DMD: variants seen among roughly 807,000 people sequenced by gnomAD.
DMD encodes mutant dystrophin.
Under a neutral mutation model 330.1 loss-of-function variants are expected in DMD, and 63 were observed. The ratio of observed to expected loss-of-function variants is 0.19; its 90% confidence interval spans 0.16 to 0.24. DMD has a LOEUF of 0.24. Ranked by LOEUF, DMD falls within the 10% of genes least tolerant of loss-of-function variation. The pLI, the probability that DMD is intolerant of heterozygous loss-of-function variation, is 1.00. For missense variants in DMD, 3,344 were observed against 2,684.1 expected, an observed-to-expected ratio of 1.25 and a Z score of -5.43; for synonymous variants, 1,223 against 959.8, an observed-to-expected ratio of 1.27 and a Z score of -5.07.
chrX:31,237,247 T>C (rs1029978743), intron 63 of DMD, among the ~76,000 whole-genome samples: 1 of 112,448 alleles, frequency 8.9e-6, no homozygotes, highest in African/African-American at 3.2e-5. Context: ...GTTGAGTCTT[T>C]ATGCATGAAT....
At chrX:32,925,905 T>C (rs1021325476) in intron 2 of DMD, among the ~76,000 whole-genome samples, 2 of 112,126 alleles carry the variant, frequency 1.8e-5, no homozygotes, top group African/African-American at 6.5e-5. Flanking sequence ...TTGTTTTCTA[T>C]ATCTTTAAAT....
intron 43 of DMD, among the ~76,000 whole-genome samples, chrX:32,262,056 A>G (rs1168320655): frequency 8.9e-6 from 1 of 111,760 alleles, no homozygotes; most frequent in Non-Finnish European, 1.9e-5. Flanking sequence ...AACTGCCTCA[A>G]CTCCAGGGTT....
At chrX:32,091,819 T>A (rs757053788) in intron 44 of DMD, among the ~76,000 whole-genome samples, 1 of 111,557 alleles carries the variant, frequency 9.0e-6, no homozygotes, top group South Asian at 3.8e-4. Flanking sequence ...TTCAAGAATT[T>A]CTCATAGCTA....
chrX:32,412,179 G>C, intron 29 of DMD: 1 of 1,099,446 alleles, frequency 9.1e-7, no homozygotes, highest in Non-Finnish European at 1.2e-6. Flanking sequence ...AAATAGGCTG[G>C]AAAAAAAATT....
At chrX:32,961,866 T>C (rs1016979729) in intron 2 of DMD, among the ~76,000 whole-genome samples, 1 of 111,873 alleles carries the variant, frequency 8.9e-6, no homozygotes, top group African/African-American at 3.2e-5. Flanking sequence ...TTTGCACATA[T>C]TATACTTGCG....
intron 55 of DMD, among the ~76,000 whole-genome samples, chrX:31,622,084 T>G (rs2078562391): frequency 9.0e-6 from 1 of 111,506 alleles, no homozygotes; most frequent in Non-Finnish European, 1.9e-5. Context: ...TCTAGGTGAG[T>G]TTCCTGGCCT....
At chrX:32,919,141 T>G (rs1276875090) in intron 2 of DMD, among the ~76,000 whole-genome samples, 1 of 111,844 alleles carries the variant, frequency 8.9e-6, no homozygotes, top group Non-Finnish European at 1.9e-5. Context: ...GACTTCTAAC[T>G]TAAGACAATG....
At chrX:32,648,823 A>G (rs2059943394) in intron 9 of DMD, among the ~76,000 whole-genome samples, 2 of 111,637 alleles carry the variant, frequency 1.8e-5, no homozygotes, top group South Asian at 7.3e-4. Flanking sequence ...ATCATCACAG[A>G]ATTTTACATT....
At chrX:32,892,698 G>A (rs191556994) in intron 2 of DMD, among the ~76,000 whole-genome samples, 4 of 111,586 alleles carry the variant, frequency 3.6e-5, no homozygotes, top group African/African-American at 9.8e-5. Context: ...GGCCTCTAAT[G>A]CCCCCTTTCT....
At chrX:33,244,771 C>T (rs1014261885) in intron 1 of DMD, among the ~76,000 whole-genome samples, 16 of 111,387 alleles carry the variant, frequency 1.4e-4, no homozygotes, top group Admixed American at 3.8e-4. Flanking sequence ...AGAAACAAAA[C>T]GAAATGGAAG....
intron 3 of DMD, among the ~76,000 whole-genome samples, chrX:32,848,231 A>C (rs1394518330): frequency 8.9e-6 from 1 of 111,932 alleles, no homozygotes; most frequent in East Asian, 2.8e-4. Flanking sequence ...GAACATTTGG[A>C]AGACACTGGG....
At chrX:32,817,641 G>A (rs995514508) in intron 5 of DMD, among the ~76,000 whole-genome samples, 6 of 111,582 alleles carry the variant, frequency 5.4e-5, no homozygotes, top group African/African-American at 2.0e-4. Flanking sequence ...TTTCCTTCTG[G>A]GAAGGTTAAG....
Position 32,545,193 on chromosome X carries a change from T to C in DMD, c.2134A>G (p.Arg712Gly), listed in dbSNP as rs1294221734. The part of the protein sequence containing the change: ...ELPPPPPQKK[R>G]QITVDSEIRK... ...ATTTCAGAATCCACAGTAATCTGCC[T>C]CTTCTTTTGGGGAGGTGGTGGTGGA... The change falls in exon 17 of 79, where the codon AGG becomes GGG. Residue 712 changes from arginine to glycine, a missense_variant. Arg to Gly is a moderately radical substitution (Grantham distance 125, BLOSUM62 -2). Coordinates refer to ENST00000357033, the MANE Select transcript of DMD (RefSeq NM_004006.3). The C allele has an allele frequency of 8.3e-7, 1 of 1,209,388 alleles. No individual in the cohort carries two copies. Among genetic ancestry groups the C allele is most frequent in the African/African-American group, 1.7e-5 (1 of 57,170 alleles).
At chrX:32,122,644 G>C (rs948521408) in intron 44 of DMD, among the ~76,000 whole-genome samples, 1 of 111,122 alleles carries the variant, frequency 9.0e-6, no homozygotes, top group Non-Finnish European at 1.9e-5. Flanking sequence ...AGATCATCTT[G>C]AGCTCCCCGT....
At chrX:31,668,496 ATAAT>A (rs1047835322) in intron 53 of DMD, among the ~76,000 whole-genome samples, 4 of 110,866 alleles carry the variant, frequency 3.6e-5, no homozygotes, top group African/African-American at 1.3e-4. Flanking sequence ...GCTTTGACAA[ATAAT>A]TATATACATT....
chrX:32,411,986 A>G (rs2098143761), intron 29 of DMD, 73 bp from the exon 30 acceptor site: 1 of 1,190,288 alleles, frequency 8.4e-7, no homozygotes, highest in Non-Finnish European at 1.1e-6. Context: ...CTGCTGAACA[A>G]TAAATGAAGA....
chrX:31,434,611 G>C (rs2064377734), intron 60 of DMD, among the ~76,000 whole-genome samples: 1 of 111,458 alleles, frequency 9.0e-6, no homozygotes, highest in Non-Finnish European at 1.9e-5. Flanking sequence ...GAGAAGGTCT[G>C]TCTATGACTG....
rs192970716 is a variant in DMD at position 32,472,623 on chromosome X, A to G, written c.2804-314T>C. The stretch of plus-strand genomic sequence containing the variant: ...ACAGAAAAACAGAGAAGCTAAGTAA[A>G]TTGCCCAAGGTGATACAGATGGTAT... On this transcript the variant is annotated intron_variant, in intron 21 of 78. Transcript: ENST00000357033. Among the ~76,000 whole-genome samples, 52 of 110,965 alleles carry G rather than the reference A, an allele frequency of 4.7e-4. 1 individual carries two copies. The highest frequency in any genetic ancestry group is 1.3e-3 in the African/African-American group (41 of 30,627).
chrX:33,083,003 C>T (rs1384590604), intron 1 of DMD, among the ~76,000 whole-genome samples: 1 of 111,843 alleles, frequency 8.9e-6, no homozygotes, highest in Non-Finnish European at 1.9e-5. Context: ...CAAACCCTTG[C>T]AGAGGAGACA....
Sources: gnomAD v4.1 joint callset for allele counts (sites outside exome capture counted in the v4.1 genomes callset) on GRCh38, gnomAD v4.1.1 for gene constraint, MANE v1.5 for transcripts, NCBI Gene and HGNC (gene_info 2026-07-23, HGNC 2026-07-21) for gene names.